The following DLGAP2 variants were observed in gnomAD, a reference collection of about 807,000 sequenced individuals.
DLGAP2 encodes the protein DLG associated protein 2, also known as disks large-associated protein 2.
A neutral mutation model predicts 100.3 loss-of-function variants in DLGAP2; 26 were observed. That is an observed-to-expected ratio of 0.26 (90% CI 0.19 to 0.36). DLGAP2 has a LOEUF of 0.36. Ranked by LOEUF, DLGAP2 falls within the 10% of genes least tolerant of loss-of-function variation. The pLI is 1.00. For missense variants in DLGAP2, 1,858 were observed against 1,453.2 expected (o/e 1.28, Z -4.53); for synonymous variants, 886 against 630.1 (o/e 1.41, Z -6.08).
intron 1 of DLGAP2, among the ~76,000 whole-genome samples, chr8:796,600 C>G (rs1289140314): frequency 6.6e-6 from 1 of 152,188 alleles, no homozygotes; most frequent in Non-Finnish European, 1.5e-5. Context: ...TCCTCTGCAG[C>G]CTCAGAGCCT....
At chr8:846,139 G>C (rs1797067504) in intron 1 of DLGAP2, among the ~76,000 whole-genome samples, 1 of 152,162 alleles carries the variant, frequency 6.6e-6, no homozygotes, top group African/African-American at 2.4e-5. Context: ...TTTGTGATGA[G>C]TACATTCAAA....
intron 2 of DLGAP2, among the ~76,000 whole-genome samples, chr8:1,173,848 C>A (rs762465217): frequency 2.6e-5 from 4 of 152,352 alleles, no homozygotes; most frequent in African/African-American, 9.6e-5. Context: ...TGAGGCAATG[C>A]GTCGCCCTGC....
At chr8:988,345 T>TCTC in intron 2 of DLGAP2, among the ~76,000 whole-genome samples, 1 of 152,258 alleles carries the variant, frequency 6.6e-6, no homozygotes, top group East Asian at 1.9e-4. Flanking sequence ...GCCCTGTAAG[T>TCTC]CTCTTGGCAA....
At chr8:1,007,031 G>T (rs1221046272) in intron 2 of DLGAP2, among the ~76,000 whole-genome samples, 1 of 151,912 alleles carries the variant, frequency 6.6e-6, no homozygotes, top group Non-Finnish European at 1.5e-5. Context: ...GAAGTCTCGG[G>T]ATGTGGTCCT....
At chr8:1,232,327 G>A (rs1436711819) in intron 2 of DLGAP2, among the ~76,000 whole-genome samples, 25 of 152,174 alleles carry the variant, frequency 1.6e-4, no homozygotes, top group Admixed American at 1.6e-3. Context: ...TCTTCCTCTG[G>A]CCCCACAGGC....
intron 3 of DLGAP2, among the ~76,000 whole-genome samples, chr8:1,387,203 GTTC>G (rs1443237889): frequency 4.6e-5 from 7 of 152,188 alleles, no homozygotes; most frequent in African/African-American, 9.7e-5. Flanking sequence ...TGTGGGAAGA[GTTC>G]TTCTTCATGC....
intron 2 of DLGAP2, among the ~76,000 whole-genome samples, chr8:1,095,484 A>C (rs920101577): frequency 1.3e-5 from 2 of 152,122 alleles, no homozygotes; most frequent in Non-Finnish European, 2.9e-5. Context: ...TTTTTGGGTG[A>C]AGTGATTCAG....
intron 2 of DLGAP2, among the ~76,000 whole-genome samples, chr8:960,855 T>G (rs1799709167): frequency 2.0e-5 from 3 of 152,234 alleles, no homozygotes; most frequent in Admixed American, 2.0e-4. Flanking sequence ...GCTTCTTGAC[T>G]TACGATGGGG....
intron 4 of DLGAP2, among the ~76,000 whole-genome samples, chr8:1,511,838 A>G (rs995047429): frequency 6.6e-6 from 1 of 151,126 alleles, no homozygotes; most frequent in Non-Finnish European, 1.5e-5. Flanking sequence ...TAAGACAATC[A>G]GTAGGTCACA....
At chr8:921,256 C>G (rs951111003) in intron 2 of DLGAP2, among the ~76,000 whole-genome samples, 1 of 152,204 alleles carries the variant, frequency 6.6e-6, no homozygotes, top group Non-Finnish European at 1.5e-5. Flanking sequence ...CCGTGGCGCA[C>G]ACTTTCCTGG....
intron 1 of DLGAP2, among the ~76,000 whole-genome samples, chr8:818,260 C>G (rs1238289811): frequency 6.6e-6 from 1 of 152,154 alleles, no homozygotes; most frequent in African/African-American, 2.4e-5. Flanking sequence ...CTGAGTCACA[C>G]AGGTCGCTAG....
chr8:1,506,357 C>T (rs1341472664), intron 4 of DLGAP2, among the ~76,000 whole-genome samples: 1 of 152,172 alleles, frequency 6.6e-6, no homozygotes, highest in East Asian at 1.9e-4. Flanking sequence ...GTCTCACTGA[C>T]GTCAAGAATG....
chr8:1,432,477 GGGGCA>G (rs1331801758), intron 3 of DLGAP2, among the ~76,000 whole-genome samples: 2 of 152,188 alleles, frequency 1.3e-5, no homozygotes, highest in African/African-American at 4.8e-5. Flanking sequence ...AAAGATTCAT[GGGGCA>G]TATTGTCTTG....
intron 2 of DLGAP2, among the ~76,000 whole-genome samples, chr8:1,241,759 A>G (rs1351049519): frequency 6.6e-6 from 1 of 152,198 alleles, no homozygotes; most frequent in African/African-American, 2.4e-5. Flanking sequence ...AAAAAAACTA[A>G]TAAATTCTGG....
chr8:1,505,143 C>T (rs1046587565), intron 4 of DLGAP2, among the ~76,000 whole-genome samples: 3 of 152,170 alleles, frequency 2.0e-5, no homozygotes, highest in African/African-American at 7.2e-5. Context: ...ATCTCCTCAT[C>T]TTTAAATTGA....
At chr8:1,449,713 G>T (rs1372398001) in intron 3 of DLGAP2, among the ~76,000 whole-genome samples, 1 of 152,196 alleles carries the variant, frequency 6.6e-6, no homozygotes, top group Admixed American at 6.5e-5. Context: ...GACACCAGCT[G>T]CCAGGACAAG....
chr8:1,677,564 A>G (rs142895890), intron 11 of DLGAP2, among the ~76,000 whole-genome samples: 1 of 152,138 alleles, frequency 6.6e-6, no homozygotes, highest in African/African-American at 2.4e-5. Context: ...GAGCATACCC[A>G]CGTGCACACA....
intron 2 of DLGAP2, among the ~76,000 whole-genome samples, chr8:994,438 G>A (rs1002671810): frequency 6.6e-6 from 1 of 152,140 alleles, no homozygotes; most frequent in African/African-American, 2.4e-5. Context: ...GACCTCAGGT[G>A]ATCCGTCTGC....
At chr8:1,669,858 C>T in intron 10 of DLGAP2, 74 bp downstream of exon 10, 4 of 778,506 alleles carry the variant, frequency 5.1e-6, no homozygotes, top group Admixed American at 1.7e-5. Context: ...GATGTTCATG[C>T]GACCGCTCTT....
Sources: gnomAD v4.1 joint callset for allele counts (sites outside exome capture counted in the v4.1 genomes callset) on GRCh38, gnomAD v4.1.1 for gene constraint, MANE v1.5 for transcripts, NCBI Gene and HGNC (gene_info 2026-07-23, HGNC 2026-07-21) for gene names.